The following EXOC4 variants were observed in gnomAD, a reference collection of about 807,000 sequenced individuals.
The protein encoded by EXOC4 is exocyst complex component 4.
In EXOC4, 71 loss-of-function variants were observed where a neutral mutation model predicts 107.2. The observed-to-expected ratio is 0.66, with a 90% CI of 0.55 to 0.81. The LOEUF is 0.81. Among genes scored for constraint, EXOC4 ranks in the 30% least tolerant of loss-of-function variants. The pLI is 0.00. For missense variants in EXOC4, 1,108 were observed against 1,189.6 expected (o/e 0.93, Z 1.01); for synonymous variants, 456 against 441.2 (o/e 1.03, Z -0.42).
At chr7:133,899,874 T>C (rs1799412962) in intron 12 of EXOC4, among the ~76,000 whole-genome samples, 1 of 151,278 alleles carries the variant, frequency 6.6e-6, no homozygotes, top group Non-Finnish European at 1.5e-5. Context: ...GCCTCCTGAG[T>C]AGCTGGGACT....
intron 10 of EXOC4, among the ~76,000 whole-genome samples, chr7:133,673,218 T>A (rs1793985790): frequency 6.6e-6 from 1 of 152,232 alleles, no homozygotes; most frequent in South Asian, 2.1e-4. Flanking sequence ...CTTCTTTGGT[T>A]CCTTAAAGGA....
At chr7:133,537,308 A>G in intron 9 of EXOC4, among the ~76,000 whole-genome samples, 1 of 93,160 alleles carries the variant, frequency 1.1e-5, no homozygotes, top group Middle Eastern at 6.4e-3. Flanking sequence ...CCCCCCCCCC[A>G]CCACACCTGA....
intron 9 of EXOC4, among the ~76,000 whole-genome samples, chr7:133,523,588 C>A (rs1399801411): frequency 1.3e-5 from 2 of 151,944 alleles, no homozygotes; most frequent in African/African-American, 4.8e-5. Context: ...GCTATCCCTC[C>A]CCCCTTCCCC....
At chr7:133,260,393 CCT>C (rs1405035043) in intron 1 of EXOC4, among the ~76,000 whole-genome samples, 3 of 152,038 alleles carry the variant, frequency 2.0e-5, no homozygotes, top group African/African-American at 7.2e-5. Flanking sequence ...CCTGCTTCAG[CCT>C]CCTGAGTAGC....
intron 11 of EXOC4, among the ~76,000 whole-genome samples, chr7:133,842,715 C>G (rs956255288): frequency 3.9e-5 from 6 of 151,972 alleles, no homozygotes; most frequent in African/African-American, 1.2e-4. Context: ...TTTCCAGGTC[C>G]TATGTCCAGA....
intron 5 of EXOC4, among the ~76,000 whole-genome samples, chr7:133,324,340 G>T (rs1038167750): frequency 1.3e-5 from 2 of 152,040 alleles, no homozygotes; most frequent in African/African-American, 4.8e-5. Flanking sequence ...TTTCTCTTGT[G>T]GGCATTTAGT....
intron 17 of EXOC4, among the ~76,000 whole-genome samples, chr7:134,063,826 C>A (rs1434645902): frequency 6.6e-6 from 1 of 152,058 alleles, no homozygotes; most frequent in Non-Finnish European, 1.5e-5. Flanking sequence ...TTCAATAACC[C>A]CAAGAGGTAG....
chr7:134,098,228 C>A, the EXOC4 span, among the ~76,000 whole-genome samples: 2 of 152,076 alleles, frequency 1.3e-5, no homozygotes, highest in Non-Finnish European at 1.5e-5. Flanking sequence ...TGAAGAACCG[C>A]CAGTGGGTTT....
At chr7:133,864,248 G>A (rs1798592166) in intron 11 of EXOC4, among the ~76,000 whole-genome samples, 1 of 152,162 alleles carries the variant, frequency 6.6e-6, no homozygotes. Context: ...ATGCCTTTGT[G>A]TGTATCATGT....
chr7:133,521,810 G>T (rs1351294010), intron 9 of EXOC4, among the ~76,000 whole-genome samples: 1 of 151,792 alleles, frequency 6.6e-6, no homozygotes, highest in Admixed American at 6.6e-5. Context: ...TAGTAGAGAC[G>T]TGATTTCACC....
At chr7:133,401,403 C>T (rs897271643) in intron 7 of EXOC4, among the ~76,000 whole-genome samples, 7 of 151,604 alleles carry the variant, frequency 4.6e-5, no homozygotes, top group South Asian at 2.1e-4. Context: ...GGTTCATTCC[C>T]GTAATACCAG....
chr7:133,343,963 C>G (rs1242298322), intron 5 of EXOC4, among the ~76,000 whole-genome samples: 1 of 151,862 alleles, frequency 6.6e-6, no homozygotes, highest in Non-Finnish European at 1.5e-5. Flanking sequence ...ACGTGAGCAA[C>G]CACATTTGGC....
intron 10 of EXOC4, among the ~76,000 whole-genome samples, chr7:133,681,393 A>T (rs76979890): frequency 2.2e-5 from 3 of 138,584 alleles, no homozygotes; most frequent in South Asian, 2.3e-4. Context: ...TTTTTTTTTT[A>T]AATAAATGTT....
intron 13 of EXOC4, among the ~76,000 whole-genome samples, chr7:133,923,060 A>G (rs2116660312): frequency 6.6e-6 from 1 of 151,618 alleles, no homozygotes; most frequent in Non-Finnish European, 1.5e-5. Context: ...TGGGTAATAC[A>G]GTATGCATAT....
At chr7:133,829,155 C>T (rs928075278) in intron 11 of EXOC4, among the ~76,000 whole-genome samples, 4 of 152,084 alleles carry the variant, frequency 2.6e-5, no homozygotes, top group African/African-American at 4.8e-5. Flanking sequence ...AACTGACCAT[C>T]GCGTGTTCTT....
chr7:133,310,103 C>T (rs1478631938), intron 4 of EXOC4, among the ~76,000 whole-genome samples: 6 of 152,076 alleles, frequency 3.9e-5, no homozygotes, highest in East Asian at 1.9e-4. Flanking sequence ...GTTTTGTTTT[C>T]GACTTTAATA....
chr7:133,484,406 G>A (rs1176387202), intron 9 of EXOC4, among the ~76,000 whole-genome samples: 1 of 152,148 alleles, frequency 6.6e-6, no homozygotes, highest in South Asian at 2.1e-4. Context: ...CCGCTTCATT[G>A]TACTTAGCAG....
chr7:133,299,233 C>G (rs1393567393), intron 3 of EXOC4, among the ~76,000 whole-genome samples: 1 of 151,980 alleles, frequency 6.6e-6, no homozygotes, highest in Non-Finnish European at 1.5e-5. Context: ...AAATACCATT[C>G]TAGGCCTGAC....
intron 7 of EXOC4, chr7:133,447,316 A>C (rs1163452874): frequency 6.6e-6 from 1 of 152,136 alleles, no homozygotes; most frequent in Non-Finnish European, 1.5e-5. Context: ...AGATCTTCTT[A>C]CATATGAGAA....
Sources: allele counts gnomAD v4.1 joint callset (sites outside exome capture counted in the v4.1 genomes callset), GRCh38; gene constraint gnomAD v4.1.1; transcripts MANE v1.5; gene names NCBI Gene and HGNC (gene_info 2026-07-23, HGNC 2026-07-21).